TMEM131: variants seen among roughly 807,000 people sequenced by gnomAD.
The protein encoded by TMEM131 is transmembrane protein 131, also known as 2610524E03Rik.
A neutral mutation model predicts 211.6 loss-of-function variants in TMEM131; 66 were observed. That is an observed-to-expected ratio of 0.31 (90% CI 0.26 to 0.38). The LOEUF (loss-of-function observed/expected upper bound fraction) is 0.38. TMEM131 is among the 10% of genes least tolerant of loss of function. TMEM131 has a pLI of 1.00. For synonymous variants in TMEM131, 844 were observed against 841.3 expected (o/e 1.00, Z -0.06); for missense variants, 2,036 against 2,299.3 (o/e 0.89, Z 2.34).
chr2:97,983,870 C>A (rs1034172352), intron 1 of TMEM131, among the ~76,000 whole-genome samples: 4 of 152,198 alleles, frequency 2.6e-5, no homozygotes, highest in Non-Finnish European at 5.9e-5. Context: ...ATGATTGTCT[C>A]AAACCATAAC....
chr2:97,935,996 T>C (rs1254875554), intron 1 of TMEM131, among the ~76,000 whole-genome samples: 4 of 152,142 alleles, frequency 2.6e-5, no homozygotes, highest in African/African-American at 9.7e-5. Flanking sequence ...GGCAGAACAA[T>C]GCTGCAGCTC....
At chr2:97,928,550 A>G (rs1041082842) in intron 1 of TMEM131, among the ~76,000 whole-genome samples, 2 of 151,872 alleles carry the variant, frequency 1.3e-5, no homozygotes, top group Admixed American at 6.5e-5. Flanking sequence ...TAACTGTATT[A>G]CAAATGAATG....
rs532661043 is a variant in TMEM131, at chr2:97,925,611, T to C, written c.249+1815A>G. ...CACATGCATCGTGCCGTGGAGAGTT[T>C]TGAAATTAGACATGGTGAGTATGGT... On this transcript the variant is annotated intron_variant, in intron 2 of 40. Transcript: ENST00000186436. Among the ~76,000 whole-genome samples, 56 of 152,300 alleles carry C rather than the reference T, an allele frequency of 3.7e-4. 1 individual carries two copies. The highest frequency in any genetic ancestry group is 2.7e-3 in the South Asian group (13 of 4,828).
chr2:97,856,205 T>C (rs990183562), intron 5 of TMEM131, among the ~76,000 whole-genome samples: 24 of 152,288 alleles, frequency 1.6e-4, no homozygotes, highest in African/African-American at 5.8e-4. Context: ...GCATATTTTA[T>C]GGCCTATATA....
At chr2:97,779,158 G>C (rs1679872600) in intron 31 of TMEM131, among the ~76,000 whole-genome samples, 1 of 152,314 alleles carries the variant, frequency 6.6e-6, no homozygotes, top group East Asian at 1.9e-4. Flanking sequence ...CCCAGGCTGA[G>C]AGCCACTGGT....
rs765489386 is a variant in TMEM131 at position 97,812,421 on chromosome 2, C to T, written c.1863G>A (p.Ser621=). 4.9e-5 allele frequency: 78 copies of T among 1,597,850 alleles called. No individual in the cohort carries two copies. Among genetic ancestry groups the T allele is most frequent in the Non-Finnish European group, 6.5e-5 (76 of 1,175,434 alleles). The stretch of plus-strand genomic sequence containing the variant: ...AGGAGACAATAGAAAGTTTACTTAC[C>T]GATGATTGATCTGATAAAGAGGATT... ...FEKSSLSDQS[S]VTLASGYFAV... Residue 621 remains serine (S), a splice_region_variant and synonymous_variant, in exon 17 of 41, where the codon TCG becomes TCA. Coordinates refer to ENST00000186436, the MANE Select transcript of TMEM131 (RefSeq NM_015348.2).
intron 3 of TMEM131, among the ~76,000 whole-genome samples, chr2:97,900,231 G>T (rs564299407): frequency 1.3e-5 from 2 of 152,184 alleles, no homozygotes; most frequent in Admixed American, 1.3e-4. Flanking sequence ...TGTTTCTACT[G>T]AACATATACT....
At chr2:97,762,277 T>G in intron 35 of TMEM131, 77 bp from the exon 36 acceptor site, 1 of 1,431,422 alleles carries the variant, frequency 7.0e-7, no homozygotes, top group Non-Finnish European at 9.7e-7. Context: ...GAATGTTCTC[T>G]AAGACTATGC....
intron 3 of TMEM131, among the ~76,000 whole-genome samples, chr2:97,894,095 A>G (rs1174591614): frequency 6.6e-6 from 1 of 152,208 alleles, no homozygotes; most frequent in Non-Finnish European, 1.5e-5. Flanking sequence ...TTTTCTGCAT[A>G]TGGCTAGCCA....
At chr2:97,973,375 A>G (rs1416309917) in intron 1 of TMEM131, among the ~76,000 whole-genome samples, 2 of 152,220 alleles carry the variant, frequency 1.3e-5, no homozygotes, top group African/African-American at 4.8e-5. Context: ...TGGGAAACAA[A>G]CAAGGTAAGC....
chr2:97,962,854 G>GT (rs1482568313), intron 1 of TMEM131, among the ~76,000 whole-genome samples: 15 of 152,152 alleles, frequency 9.9e-5, no homozygotes, highest in Admixed American at 6.5e-4. Context: ...CATGATAAAT[G>GT]TAACGTGAAT....
intron 1 of TMEM131, among the ~76,000 whole-genome samples, chr2:97,966,125 T>A (rs1276533408): frequency 6.6e-6 from 1 of 151,682 alleles, no homozygotes; most frequent in Non-Finnish European, 1.5e-5. Flanking sequence ...CAAATTTCTA[T>A]CATGAATATC....
At chr2:97,800,760 AAAAAAAAAAAG>A (rs1680995197) in intron 25 of TMEM131, among the ~76,000 whole-genome samples, 1 of 147,306 alleles carries the variant, frequency 6.8e-6, no homozygotes, top group South Asian at 2.1e-4. Flanking sequence ...GTCTCAGAAG[AAAAAAAAAAAG>A]AAAAAGAAAA....
At chr2:97,920,081 T>C (rs974766538) in intron 2 of TMEM131, among the ~76,000 whole-genome samples, 23 of 152,348 alleles carry the variant, frequency 1.5e-4, no homozygotes, top group Non-Finnish European at 2.9e-4. Flanking sequence ...TGGCCAACTC[T>C]ACCCAGTGCA....
intron 3 of TMEM131, 39 bp from the exon 4 acceptor site, chr2:97,888,159 C>G: frequency 6.5e-7 from 1 of 1,545,856 alleles, no homozygotes; most frequent in South Asian, 1.2e-5. Context: ...AGCAATTCTT[C>G]AAAATATATG....
intron 1 of TMEM131, among the ~76,000 whole-genome samples, chr2:97,928,159 G>C (rs977427644): frequency 3.3e-5 from 5 of 152,140 alleles, no homozygotes; most frequent in Non-Finnish European, 7.4e-5. Context: ...TCTGGGCATA[G>C]TCAAGATGGC....
chr2:97,759,414 C>T (rs538877659), intron 39 of TMEM131: 11 of 536,404 alleles, frequency 2.1e-5, no homozygotes, highest in Admixed American at 1.3e-4. Context: ...CTTCAATACC[C>T]GCCATGGAAC....
At chr2:97,795,804 C>A (rs1680734231) in intron 28 of TMEM131, among the ~76,000 whole-genome samples, 1 of 152,110 alleles carries the variant, frequency 6.6e-6, no homozygotes, top group African/African-American at 2.4e-5. Context: ...AAACTGTCTT[C>A]TGACCAAAAT....
At chr2:97,826,762 T>C (rs1186067180) in intron 11 of TMEM131, among the ~76,000 whole-genome samples, 1 of 152,018 alleles carries the variant, frequency 6.6e-6, no homozygotes, top group Non-Finnish European at 1.5e-5. Flanking sequence ...AAAGCCAGGG[T>C]AAATTTAAAA....
Sources: gnomAD v4.1 joint callset for allele counts (sites outside exome capture counted in the v4.1 genomes callset) on GRCh38, gnomAD v4.1.1 for gene constraint, MANE v1.5 for transcripts, NCBI Gene and HGNC (gene_info 2026-07-23, HGNC 2026-07-21) for gene names.